Variants in NAV2 observed in about 807,000 individuals in gnomAD.
The protein encoded by NAV2 is neuron navigator 2.
A neutral mutation model predicts 223.2 loss-of-function variants in NAV2; 54 were observed. The ratio of observed to expected loss-of-function variants is 0.24; its 90% CI spans 0.19 to 0.30. The LOEUF (loss-of-function observed/expected upper bound fraction) is 0.30, where lower values mean the gene tolerates loss of function less well. Ranked by LOEUF, NAV2 falls within the 10% of genes least tolerant of loss-of-function variation. The pLI, the probability that NAV2 is intolerant of heterozygous loss-of-function variation, is 1.00. For missense variants in NAV2, 2,806 were observed against 3,147.5 expected (o/e 0.89, Z 2.60); for synonymous variants, 1,279 against 1,239.3 (o/e 1.03, Z -0.67).
chr11:19,796,122 G>A (rs1397648518), intron 1 of NAV2, among the ~76,000 whole-genome samples: 1 of 152,168 alleles, frequency 6.6e-6, no homozygotes, highest in Non-Finnish European at 1.5e-5. Context: ...GGATAGCCCA[G>A]GAACTAGGAA....
chr11:19,985,490 A>C (rs561886768), intron 11 of NAV2, among the ~76,000 whole-genome samples: 4 of 152,320 alleles, frequency 2.6e-5, no homozygotes, highest in African/African-American at 4.8e-5. Flanking sequence ...TCCTGTAATT[A>C]ACAAAGAAAG....
intron 2 of NAV2, among the ~76,000 whole-genome samples, chr11:19,839,350 G>A (rs36003144): frequency 0.11 from 16,108 of 152,138 alleles, 1,092 homozygotes; most frequent in East Asian, 0.16. Flanking sequence ...AGAAGGGGTG[G>A]GAGAAAAGGG....
At chr11:19,501,052 G>A (rs1288367724) in intron 1 of NAV2, among the ~76,000 whole-genome samples, 1 of 152,124 alleles carries the variant, frequency 6.6e-6, no homozygotes, top group Non-Finnish European at 1.5e-5. Flanking sequence ...CTCCTAGGGG[G>A]TGCCCACATT....
chr11:19,869,979 C>G lies in NAV2; in HGVS notation c.511+982C>G, dbSNP rs527366925. Reference sequence around the variant, plus strand: ...TGGCTGCGTTTCTGAGTGGTAGTCTCTCCTGGTATTGGGGGTGGGTGGTAT... The same window carrying G: ...TGGCTGCGTTTCTGAGTGGTAGTCTGTCCTGGTATTGGGGGTGGGTGGTAT... On this transcript the variant is annotated intron_variant, in intron 4 of 37. Coordinates refer to ENST00000349880, the MANE Select transcript of NAV2 (RefSeq NM_145117.5). Among the ~76,000 whole-genome samples the G allele has an allele frequency of 2.6e-4, 39 of 152,298 alleles. No homozygotes were observed. The South Asian group carries it at 6.4e-3, about 25-fold the overall frequency.
chr11:19,574,911 C>G (rs2045528579), intron 1 of NAV2, among the ~76,000 whole-genome samples: 1 of 152,136 alleles, frequency 6.6e-6, no homozygotes, highest in South Asian at 2.1e-4. Flanking sequence ...AACAGGCCAA[C>G]CATACTCAAT....
Position 19,713,578 on chromosome 11 carries a change from T to G in NAV2, c.-118T>G. The G allele has an allele frequency of 1.4e-6, 2 of 1,397,406 alleles. No individual in the cohort carries two copies. 86.6% of individuals were successfully genotyped at this position (1,397,406 alleles called of 1,614,324 possible). On this transcript the variant is annotated 5_prime_UTR_variant, in exon 1 of 38. Transcript: ENST00000349880. The surrounding 1 kb of genome is among the most constrained non-coding windows in gnomAD (Gnocchi z 7.2). ...TGGGGATTTTTTTTTTAGCCGCTGG[T>G]GGTGGGCGCCTCGTGGGCTAAGGCC...
chr11:19,883,271 G>A (rs564165450), intron 5 of NAV2, among the ~76,000 whole-genome samples: 182 of 152,320 alleles, frequency 1.2e-3, no homozygotes, highest in Non-Finnish European at 2.0e-3. Flanking sequence ...AAGAAAATCT[G>A]AGATTTTTTT....
chr11:19,651,819 G>A (rs1355349425), intron 1 of NAV2, among the ~76,000 whole-genome samples: 1 of 152,216 alleles, frequency 6.6e-6, no homozygotes, highest in Non-Finnish European at 1.5e-5. Flanking sequence ...GACCAGCTTA[G>A]CCATCCACCT....
At chr11:19,816,469 G>T (rs533455141) in intron 1 of NAV2, among the ~76,000 whole-genome samples, 1 of 152,164 alleles carries the variant, frequency 6.6e-6, no homozygotes, top group Admixed American at 6.5e-5. Context: ...CCCTCTGTCC[G>T]TTACCCCTCC....
intron 1 of NAV2, among the ~76,000 whole-genome samples, chr11:19,696,921 T>C (rs1010537977): frequency 6.6e-6 from 1 of 152,168 alleles, no homozygotes. Flanking sequence ...CTCACAATAA[T>C]CCTACAATAT....
chr11:20,002,229 A>T (rs1241937838), intron 11 of NAV2, among the ~76,000 whole-genome samples: 1 of 152,132 alleles, frequency 6.6e-6, no homozygotes, highest in East Asian at 1.9e-4. Flanking sequence ...TGGGGGTTAG[A>T]TTTCAATGTG....
chr11:19,573,534 C>A (rs1327032727), intron 1 of NAV2, among the ~76,000 whole-genome samples: 1 of 152,160 alleles, frequency 6.6e-6, no homozygotes, highest in Non-Finnish European at 1.5e-5. Flanking sequence ...TTACCTGGTA[C>A]AGCTGAGCTT....
At chr11:19,817,143 T>C (rs2059134034) in intron 1 of NAV2, among the ~76,000 whole-genome samples, 1 of 152,140 alleles carries the variant, frequency 6.6e-6, no homozygotes, top group African/African-American at 2.4e-5. Flanking sequence ...GCCTTTGGTG[T>C]TGGGAATTTT....
At chr11:19,454,286 C>A (rs1302111474) in intron 1 of NAV2, among the ~76,000 whole-genome samples, 3 of 152,164 alleles carry the variant, frequency 2.0e-5, no homozygotes, top group East Asian at 3.8e-4. Context: ...GGAAAGCAGT[C>A]CGCCTGACCT....
intron 3 of NAV2, among the ~76,000 whole-genome samples, chr11:19,862,140 G>C (rs1410178437): frequency 6.6e-6 from 1 of 152,248 alleles, no homozygotes; most frequent in Non-Finnish European, 1.5e-5. Flanking sequence ...TTTTTCTCTA[G>C]AGATAATTTT....
chr11:19,632,415 C>A (rs368670753), intron 1 of NAV2, among the ~76,000 whole-genome samples: 1 of 152,018 alleles, frequency 6.6e-6, no homozygotes, highest in Non-Finnish European at 1.5e-5. Flanking sequence ...TTCATGTCTG[C>A]GCTTTGCAAA....
chr11:20,065,692 G>A (rs1386720318), intron 20 of NAV2, among the ~76,000 whole-genome samples: 1 of 152,202 alleles, frequency 6.6e-6, no homozygotes, highest in Non-Finnish European at 1.5e-5. Flanking sequence ...GAGACAGGTG[G>A]GCACAGTGAC....
chr11:19,865,816 T>C (rs1358009414), intron 3 of NAV2, among the ~76,000 whole-genome samples: 1 of 152,222 alleles, frequency 6.6e-6, no homozygotes, highest in Non-Finnish European at 1.5e-5. Flanking sequence ...AGGCCTTCCC[T>C]GTTCACCTAA....
At chr11:19,631,791 T>C (rs1447906448) in intron 1 of NAV2, among the ~76,000 whole-genome samples, 1 of 152,228 alleles carries the variant, frequency 6.6e-6, no homozygotes, top group African/African-American at 2.4e-5. Context: ...ATGCCTGGCT[T>C]GTGGCTGGAG....
Sources: allele counts gnomAD v4.1 joint callset (sites outside exome capture counted in the v4.1 genomes callset), GRCh38; gene constraint gnomAD v4.1.1; non-coding constraint Gnocchi (gnomAD v3.1); transcripts MANE v1.5; gene names NCBI Gene and HGNC (gene_info 2026-07-23, HGNC 2026-07-21).